AMBRA1: variants seen among roughly 807,000 people sequenced by gnomAD.
The protein encoded by AMBRA1 is autophagy and beclin 1 regulator 1, also known as activating molecule in BECN1-regulated autophagy protein 1.
AMBRA1 carries 47 observed loss-of-function variants against 125.4 expected under a neutral mutation model. The ratio of observed to expected loss-of-function variants is 0.37; its 90% CI spans 0.30 to 0.48. The LOEUF is 0.48. Among genes scored for constraint, AMBRA1 ranks in the 20% least tolerant of loss-of-function variants. The probability of loss-of-function intolerance (pLI) is 0.99; values close to 1 mark genes in which losing one functional copy is unlikely to be tolerated. For missense variants in AMBRA1, 1,331 were observed against 1,693.4 expected (o/e 0.79, Z 3.76); for synonymous variants, 626 against 655.5 (o/e 0.95, Z 0.69).
At chr11:46,573,277 C>A (rs955912043) in intron 1 of AMBRA1, among the ~76,000 whole-genome samples, 5 of 151,876 alleles carry the variant, frequency 3.3e-5, no homozygotes, top group African/African-American at 1.2e-4. Flanking sequence ...TGGTGGCACG[C>A]ACCTGTAATC....
In AMBRA1 at chr11:46,436,092, T is replaced by C. The variant is rs947819392; in HGVS notation, c.2633-1055A>G. 3.9e-5 allele frequency among the ~76,000 whole-genome samples: 6 copies of C among 152,310 alleles called. No individual in the cohort carries two copies. The South Asian group carries it at 8.3e-4, about 21-fold the overall frequency. Reference sequence around the variant, plus strand: ...AAAAAACTTTTCACTGTTTCTCTTATTTGAAGGAGATGTCCACTGTCAGAG... The same window carrying C: ...AAAAAACTTTTCACTGTTTCTCTTACTTGAAGGAGATGTCCACTGTCAGAG... On this transcript the variant is annotated intron_variant, in intron 12 of 17. Coordinates refer to ENST00000683756, the MANE Select transcript of AMBRA1 (RefSeq NM_001387011.1).
chr11:46,479,020 GA>G (rs1462028623), intron 11 of AMBRA1, among the ~76,000 whole-genome samples: 1 of 152,108 alleles, frequency 6.6e-6, no homozygotes, highest in Non-Finnish European at 1.5e-5. Flanking sequence ...GCAACACAGT[GA>G]AACCCTGTCT....
intron 11 of AMBRA1, among the ~76,000 whole-genome samples, chr11:46,450,653 G>A (rs964931823): frequency 2.6e-5 from 4 of 152,086 alleles, no homozygotes; most frequent in African/African-American, 4.8e-5. Flanking sequence ...ATGTTGCCCA[G>A]CCTTGTCTCC....
chr11:46,580,672 T>C (rs994983596), intron 1 of AMBRA1, among the ~76,000 whole-genome samples: 17 of 152,228 alleles, frequency 1.1e-4, no homozygotes, highest in Admixed American at 9.8e-4. Context: ...GCCTACAGTC[T>C]AATCCAAACC....
intron 15 of AMBRA1, among the ~76,000 whole-genome samples, chr11:46,412,750 A>C (rs1202703381): frequency 6.6e-6 from 1 of 152,128 alleles, no homozygotes; most frequent in East Asian, 1.9e-4. Flanking sequence ...TTGTCTGAGA[A>C]CCAGATGGGC....
intron 1 of AMBRA1, among the ~76,000 whole-genome samples, chr11:46,587,275 G>A (rs2044437245): frequency 6.6e-6 from 1 of 152,052 alleles, no homozygotes; most frequent in African/African-American, 2.4e-5. Context: ...AGCTACTCGG[G>A]AGGCTGAGGC....
intron 14 of AMBRA1, chr11:46,428,795 C>G: frequency 6.2e-7 from 1 of 1,611,394 alleles, no homozygotes; most frequent in Non-Finnish European, 8.5e-7. Flanking sequence ...AGCTTCCCCT[C>G]TTGTGAGTCT....
At chr11:46,550,119 G>T (rs549062857) in intron 1 of AMBRA1, among the ~76,000 whole-genome samples, 1 of 152,060 alleles carries the variant, frequency 6.6e-6, no homozygotes, top group African/African-American at 2.4e-5. Context: ...GCACCCAGCC[G>T]ACACTAGCTT....
chr11:46,446,560 T>G (rs2136765184), intron 11 of AMBRA1, among the ~76,000 whole-genome samples: 1 of 152,354 alleles, frequency 6.6e-6, no homozygotes, highest in Non-Finnish European at 1.5e-5. Flanking sequence ...TCTCAACCTC[T>G]GCACTACTGA....
At position 46,397,117 on chromosome 11, in the gene AMBRA1, G is replaced by A; in HGVS notation, c.*333C>T. ...CTGGAAGACTGTTCACTCTCTGGAGGCTCTCTGTCCAGGGCTGAGTCCCCT... is the reference window on the plus strand; with the variant it reads ...CTGGAAGACTGTTCACTCTCTGGAGACTCTCTGTCCAGGGCTGAGTCCCCT... On this transcript the variant is annotated 3_prime_UTR_variant, in exon 18 of 18. Coordinates refer to ENST00000683756, the MANE Select transcript of AMBRA1 (RefSeq NM_001387011.1). 1 of 217,076 alleles carries A rather than the reference G, an allele frequency of 4.6e-6. No homozygotes were observed. The highest frequency in any genetic ancestry group is 9.0e-6 in the Non-Finnish European group (1 of 111,012). 13.4% of individuals were successfully genotyped at this position (217,076 alleles called of 1,614,324 possible). A position where few individuals can be genotyped will look rare whatever the true frequency, so the allele number is the denominator to read the frequency against.
intron 1 of AMBRA1, among the ~76,000 whole-genome samples, chr11:46,576,896 T>A (rs1241591016): frequency 6.6e-6 from 1 of 152,232 alleles, no homozygotes; most frequent in Non-Finnish European, 1.5e-5. Context: ...ACCATGCAGA[T>A]GCTGTGCTTC....
At chr11:46,497,687 G>T (rs1483092942) in intron 9 of AMBRA1, among the ~76,000 whole-genome samples, 1 of 152,206 alleles carries the variant, frequency 6.6e-6, no homozygotes, top group Non-Finnish European at 1.5e-5. Flanking sequence ...ACCGGAATGG[G>T]TAAGGTGGCA....
intron 1 of AMBRA1, among the ~76,000 whole-genome samples, chr11:46,554,163 A>G (rs1354326164): frequency 6.6e-6 from 1 of 152,250 alleles, no homozygotes; most frequent in Admixed American, 6.5e-5. Context: ...AAACATCTTG[A>G]GAGTCCTTTG....
At chr11:46,458,468 T>C (rs1590859499) in intron 11 of AMBRA1, among the ~76,000 whole-genome samples, 1 of 152,210 alleles carries the variant, frequency 6.6e-6, no homozygotes, top group Admixed American at 6.5e-5. Flanking sequence ...TCCTCCGAAT[T>C]CAAGTGTTTT....
At chr11:46,588,018 G>A (rs1159052927) in intron 1 of AMBRA1, among the ~76,000 whole-genome samples, 2 of 152,122 alleles carry the variant, frequency 1.3e-5, no homozygotes, top group African/African-American at 4.8e-5. Flanking sequence ...CAGAGGGAGA[G>A]ACAAAAAATA....
chr11:46,419,565 G>A (rs1286850641), intron 14 of AMBRA1, among the ~76,000 whole-genome samples: 4 of 152,158 alleles, frequency 2.6e-5, no homozygotes, highest in African/African-American at 9.7e-5. Flanking sequence ...GATCATCAGG[G>A]CCTATGAAAA....
At chr11:46,464,263 G>A (rs186527276) in intron 11 of AMBRA1, among the ~76,000 whole-genome samples, 44 of 152,310 alleles carry the variant, frequency 2.9e-4, no homozygotes, top group African/African-American at 1.0e-3. Flanking sequence ...ACTTGATGCA[G>A]CAATTAGAGA....
At position 46,433,559 on chromosome 11, in the gene AMBRA1, C is replaced by A; in HGVS notation, c.2891G>T (p.Arg964Met). 1.2e-6 allele frequency: 2 copies of A among 1,614,206 alleles called. No homozygotes were observed. The highest frequency in any genetic ancestry group is 1.7e-6 in the Non-Finnish European group (2 of 1,180,024). ...RYVMVGLASR[R>M]ILLHPSTEHM... ...CTCTGTGGAGGGGTGCAGCAGGATC[C>A]TTCGTGAGGCCAAGCCCACCATTAC... Residue 964 changes from arginine to methionine, a missense_variant, in exon 14 of 18, where the codon AGG (arginine) becomes ATG (methionine). Arg to Met is a moderately conservative substitution (Grantham distance 91, BLOSUM62 -1). Transcript: ENST00000683756.
intron 1 of AMBRA1, among the ~76,000 whole-genome samples, chr11:46,572,873 T>G (rs749321962): frequency 6.6e-6 from 1 of 151,900 alleles, no homozygotes; most frequent in Non-Finnish European, 1.5e-5. Flanking sequence ...GTGGATCACC[T>G]GAGATCAGGA....
Sources: allele counts gnomAD v4.1 joint callset (sites outside exome capture counted in the v4.1 genomes callset), GRCh38; gene constraint gnomAD v4.1.1; transcripts MANE v1.5; gene names NCBI Gene and HGNC (gene_info 2026-07-23, HGNC 2026-07-21).